The following TTC39B variants were observed in gnomAD, a reference collection of about 807,000 sequenced individuals.
TTC39B encodes tetratricopeptide repeat domain 39B, also known as tetratricopeptide repeat protein 39B.
TTC39B carries 92 observed loss-of-function variants against 96.6 expected under a neutral mutation model. The observed-to-expected ratio is 0.95, with a 90% CI of 0.80 to 1.13. The LOEUF is 1.13. Ranked by LOEUF, TTC39B falls within the 50% of genes most tolerant of loss-of-function variation. TTC39B has a pLI of 0.00. For synonymous variants in TTC39B, 367 were observed against 299.4 expected (o/e 1.23, Z -2.33); for missense variants, 955 against 809.3 (o/e 1.18, Z -2.18).
intron 2 of TTC39B, among the ~76,000 whole-genome samples, chr9:15,230,430 G>C (rs1821357089): frequency 6.6e-6 from 1 of 152,044 alleles, no homozygotes; most frequent in African/African-American, 2.4e-5. Context: ...TCTACTTTTT[G>C]TGTCTATAGA....
intron 4 of TTC39B, among the ~76,000 whole-genome samples, chr9:15,212,628 T>G (rs1820272841): frequency 6.6e-6 from 1 of 152,110 alleles, no homozygotes. Flanking sequence ...GGTTTCTCCC[T>G]GTTGGTCAGG....
At chr9:15,181,448 T>C (rs919809172) in intron 17 of TTC39B, among the ~76,000 whole-genome samples, 2 of 152,082 alleles carry the variant, frequency 1.3e-5, no homozygotes, top group Admixed American at 1.3e-4. Context: ...GGAAACAACT[T>C]TGGATAGCAT....
At chr9:15,233,749 C>T (rs913445523) in intron 2 of TTC39B, among the ~76,000 whole-genome samples, 3 of 152,270 alleles carry the variant, frequency 2.0e-5, no homozygotes, top group Admixed American at 6.5e-5. Context: ...CCCAAAGAGC[C>T]GAGATTGCAG....
intron 6 of TTC39B, among the ~76,000 whole-genome samples, chr9:15,209,597 T>C (rs1337946126): frequency 6.6e-6 from 1 of 152,240 alleles, no homozygotes; most frequent in East Asian, 1.9e-4. Context: ...TCTTCCACTT[T>C]TAGGAATCTA....
At chr9:15,263,208 A>C (rs1362831977) in intron 2 of TTC39B, among the ~76,000 whole-genome samples, 3 of 152,282 alleles carry the variant, frequency 2.0e-5, no homozygotes, top group Non-Finnish European at 4.4e-5. Context: ...TATGTCTCCT[A>C]TTGGTTCTAT....
chr9:15,219,051 GA>G (rs1820692200), intron 3 of TTC39B, among the ~76,000 whole-genome samples: 1 of 152,024 alleles, frequency 6.6e-6, no homozygotes, highest in Non-Finnish European at 1.5e-5. Context: ...CTTTTACAAT[GA>G]AAAACTGATT....
intron 19 of TTC39B, 80 bp from the exon 20 acceptor site, chr9:15,172,189 G>C (rs537100096): frequency 2.2e-6 from 2 of 922,268 alleles, no homozygotes; most frequent in Non-Finnish European, 3.4e-6. Flanking sequence ...TCCTCTCTCT[G>C]ATCTACTTAC....
chr9:15,266,915 T>C (rs950436275), intron 2 of TTC39B, among the ~76,000 whole-genome samples: 12 of 151,942 alleles, frequency 7.9e-5, no homozygotes, highest in African/African-American at 2.7e-4. Context: ...CCGTCTCTAC[T>C]AAAAATACAA....
Position 15,268,913 on chromosome 9 carries a change from C to A in TTC39B, c.241-965G>T, listed in dbSNP as rs528170512. On this transcript the variant is annotated intron_variant, in intron 1 of 19. Transcript: ENST00000512701. Reference sequence around the variant, plus strand: ...CTTTCCATTGCATTTAGAAAAATCCCAAACTCATTCTCCCTATCTACAGAG... The same window carrying A: ...CTTTCCATTGCATTTAGAAAAATCCAAAACTCATTCTCCCTATCTACAGAG... Among the ~76,000 whole-genome samples, 42 of 152,234 alleles carry A rather than the reference C, an allele frequency of 2.8e-4. 1 individual carries two copies. In the South Asian group the frequency reaches 8.7e-3, roughly 32 times the overall value.
At chr9:15,254,908 C>T (rs1394254779) in intron 2 of TTC39B, among the ~76,000 whole-genome samples, 5 of 150,022 alleles carry the variant, frequency 3.3e-5, no homozygotes, top group Non-Finnish European at 5.9e-5. Context: ...AGTCAAGTTA[C>T]GCTTGCAGAA....
chr9:15,251,490 AG>A (rs901838314), intron 2 of TTC39B, among the ~76,000 whole-genome samples: 94 of 152,016 alleles, frequency 6.2e-4, no homozygotes, highest in African/African-American at 2.1e-3. Context: ...TGAACTGGGT[AG>A]GTGCAGGTTG....
intron 13 of TTC39B, among the ~76,000 whole-genome samples, chr9:15,188,383 C>T (rs1256714103): frequency 6.6e-6 from 1 of 152,054 alleles, no homozygotes. Flanking sequence ...AGGAAGATAT[C>T]AAATGCAGAA....
chr9:15,205,487 A>C (rs1032404409), intron 6 of TTC39B, among the ~76,000 whole-genome samples: 14 of 152,048 alleles, frequency 9.2e-5, no homozygotes, highest in Non-Finnish European at 1.3e-4. Flanking sequence ...ACAAAGAAGC[A>C]CCTCTGCAGC....
intron 2 of TTC39B, among the ~76,000 whole-genome samples, chr9:15,253,086 G>A (rs890689456): frequency 1.3e-5 from 2 of 152,170 alleles, no homozygotes; most frequent in African/African-American, 4.8e-5. Context: ...TATGTGTATC[G>A]TTCCACCCCA....
intron 9 of TTC39B, 77 bp from the exon 10 acceptor site, chr9:15,191,332 G>T (rs1818846370): frequency 1.1e-6 from 1 of 951,600 alleles, no homozygotes; most frequent in Non-Finnish European, 1.6e-6. Context: ...ACAACTTACA[G>T]TTTTAATGCT....
intron 1 of TTC39B, among the ~76,000 whole-genome samples, chr9:15,292,156 C>T (rs1220902595): frequency 4.6e-5 from 7 of 152,272 alleles, no homozygotes; most frequent in African/African-American, 1.7e-4. Context: ...CTGTTGGATG[C>T]CACAGCATGT....
In TTC39B at chr9:15,172,094, A is replaced by G. The variant is rs140541523; in HGVS notation, c.1974T>C (p.Asp658=). 7.9e-4 allele frequency: 1,281 copies of G among 1,612,212 alleles called. 4 individuals carry two copies. Among genetic ancestry groups the G allele is most frequent in the Non-Finnish European group, 9.2e-4 (1,086 of 1,178,754 alleles). Residue 658 remains aspartate, a synonymous_variant, in exon 20 of 20, where the codon GAT becomes GAC. Transcript: ENST00000512701. ...AGTGTAGTCTGGACTCCAGGGAGTA[A>G]TCTTTGTAGTTGTTCCTGAAGACAA...
intron 17 of TTC39B, 145 bp from the exon 18 acceptor site, chr9:15,177,959 TC>T (rs1309447840): frequency 1.5e-5 from 7 of 471,690 alleles, no homozygotes; most frequent in African/African-American, 1.2e-4. Context: ...AAGCTCCGTC[TC>T]CCGGGTTCAC....
rs1450485524 is a variant in TTC39B at position 15,226,346 on chromosome 9, T to C, written c.276-334A>G. 2.6e-5 allele frequency among the ~76,000 whole-genome samples: 4 copies of C among 152,238 alleles called. No individual in the cohort carries two copies. The East Asian group carries it at 5.8e-4, about 22-fold the overall frequency. ...AAATCTATACATATTTTAATAAAAC[T>C]TTATTAAAGATACTTATTATAATGG... On this transcript the variant is annotated intron_variant, in intron 2 of 19. Coordinates refer to ENST00000512701, the Ensembl canonical transcript of TTC39B.
Sources: allele counts gnomAD v4.1 joint callset (sites outside exome capture counted in the v4.1 genomes callset), GRCh38; gene constraint gnomAD v4.1.1; transcripts MANE v1.5; gene names NCBI Gene and HGNC (gene_info 2026-07-23, HGNC 2026-07-21).